The following FBXO28 variants were observed in gnomAD, a reference collection of about 807,000 sequenced individuals.
The protein encoded by FBXO28 is F-box only protein 28.
FBXO28 carries 8 observed loss-of-function variants against 38.1 expected under a neutral mutation model. The observed-to-expected ratio is 0.21, with a 90% CI of 0.12 to 0.38. The LOEUF is 0.38. Among genes scored for constraint, FBXO28 ranks in the 10% least tolerant of loss-of-function variants. The pLI is 1.00. For synonymous variants in FBXO28, 168 were observed against 173.8 expected, an observed-to-expected ratio of 0.97 and a Z score of 0.26; for missense variants, 345 against 460.6, an observed-to-expected ratio of 0.75 and a Z score of 2.30.
rs141275850 is a variant in FBXO28 at position 224,119,721 on chromosome 1, C to T, written c.267+5325C>T. 2.6e-5 allele frequency among the ~76,000 whole-genome samples: 4 copies of T among 152,112 alleles called. No individual in the cohort carries two copies. In the East Asian group the frequency reaches 5.8e-4, roughly 22 times the overall value. ...TTAGGACTTAATCAGGAAAGACCTCCTCAAGATAATAAGTTTTTATCCAGT... is the reference window on the plus strand; with the variant it reads ...TTAGGACTTAATCAGGAAAGACCTCTTCAAGATAATAAGTTTTTATCCAGT... On this transcript the variant is annotated intron_variant, in intron 1 of 4. Coordinates refer to ENST00000366862, the MANE Select transcript of FBXO28 (RefSeq NM_015176.4).
Position 224,130,547 on chromosome 1 carries a change from C to G in FBXO28, c.343C>G (p.Leu115Val). The G allele has an allele frequency of 6.2e-7, 1 of 1,613,592 alleles. No homozygotes were observed. The highest frequency in any genetic ancestry group is 8.5e-7 in the Non-Finnish European group (1 of 1,179,612). ...GFLKVERYHN[L>V]CQKQVKAQLP... Reference sequence around the variant, plus strand: ...TCTGAAAGTGGAGAGGTACCATAATCTATGTCAGAAACAAGTTAAAGCACA... The same window carrying G: ...TCTGAAAGTGGAGAGGTACCATAATGTATGTCAGAAACAAGTTAAAGCACA... The change falls in exon 2 of 5, where the codon CTA becomes GTA. Residue 115 changes from leucine to valine, a missense_variant. Leu to Val is a conservative substitution (Grantham distance 32). Coordinates refer to ENST00000366862, the MANE Select transcript of FBXO28 (RefSeq NM_015176.4).
chr1:224,153,344 C>A lies in FBXO28; in HGVS notation c.712+7C>A. 6.4e-7 allele frequency: 1 copy of A among 1,562,176 alleles called. No homozygotes were observed. Among genetic ancestry groups the A allele is most frequent in the South Asian group, 1.2e-5 (1 of 80,288 alleles). ...CTCATGGGCTCTCCTCCAGGTATCT[C>A]TACTTTATAATCATGCTTGTACATA... On this transcript the variant is annotated splice_region_variant and intron_variant, in intron 4 of 4. Transcript: ENST00000366862.
In FBXO28 at chr1:224,159,087, A is replaced by G. The variant is rs750588363; in HGVS notation, c.*1341A>G. ...TATAGTTTTGAGACATTCAATTATC[A>G]CTGTCTTAGTTGTATTTTAATTTAC... On this transcript the variant is annotated 3_prime_UTR_variant, in exon 5 of 5. Transcript: ENST00000366862. 2.0e-5 allele frequency: 3 copies of G among 152,466 alleles called. No individual in the cohort carries two copies. Among genetic ancestry groups the G allele is most frequent in the Admixed American group, 1.3e-4 (2 of 15,244 alleles). The allele number at this position is 152,466 out of a possible 1,614,324, so 9.4% of individuals were successfully genotyped here.
intron 1 of FBXO28, among the ~76,000 whole-genome samples, chr1:224,127,805 G>T (rs1323866277): frequency 6.6e-6 from 1 of 152,162 alleles, no homozygotes; most frequent in Non-Finnish European, 1.5e-5. Flanking sequence ...TACTCGGGAG[G>T]CTGAGGCAGG....
chr1:224,119,674 TA>T (rs998182685), intron 1 of FBXO28, among the ~76,000 whole-genome samples: 8 of 152,124 alleles, frequency 5.3e-5, no homozygotes, highest in African/African-American at 1.9e-4. Context: ...GCAAAGATGG[TA>T]AATATGAGTG....
intron 1 of FBXO28, among the ~76,000 whole-genome samples, chr1:224,120,787 C>T (rs1572005317): frequency 1.3e-5 from 2 of 151,244 alleles, no homozygotes; most frequent in African/African-American, 2.4e-5. Context: ...CACTCGGACC[C>T]GGGAGCCAAA....
chr1:224,125,270 A>G (rs570053575), intron 1 of FBXO28, among the ~76,000 whole-genome samples: 2 of 152,186 alleles, frequency 1.3e-5, no homozygotes, highest in East Asian at 1.9e-4. Flanking sequence ...CTACAGGCTC[A>G]TGCCTCTGTA....
At chr1:224,152,365 T>C (rs1657667474) in intron 3 of FBXO28, among the ~76,000 whole-genome samples, 2 of 152,190 alleles carry the variant, frequency 1.3e-5, no homozygotes, top group Admixed American at 1.3e-4. Context: ...TCCCTGCAGC[T>C]TAGGGGAACA....
At chr1:224,156,931 G>A (rs1037794740) in intron 4 of FBXO28, among the ~76,000 whole-genome samples, 12 of 151,616 alleles carry the variant, frequency 7.9e-5, no homozygotes, top group Admixed American at 4.6e-4. Context: ...GAACCCAGGA[G>A]GCGGAGCTTG....
intron 3 of FBXO28, among the ~76,000 whole-genome samples, chr1:224,137,530 A>C (rs1657222471): frequency 6.6e-6 from 1 of 151,848 alleles, no homozygotes; most frequent in Non-Finnish European, 1.5e-5. Context: ...TCAGCAAAAA[A>C]AAAGAAAAAA....
At chr1:224,145,663 C>G (rs978578200) in intron 3 of FBXO28, among the ~76,000 whole-genome samples, 3 of 152,160 alleles carry the variant, frequency 2.0e-5, no homozygotes, top group African/African-American at 7.2e-5. Context: ...TAGCTCATGC[C>G]TGTAATCCCA....
At chr1:224,120,884 GAAAGA>G (rs1179876000) in intron 1 of FBXO28, among the ~76,000 whole-genome samples, 7 of 148,430 alleles carry the variant, frequency 4.7e-5, no homozygotes, top group African/African-American at 1.7e-4. Flanking sequence ...AAAAAAGAAA[GAAAGA>G]AAAGAAAATG....
At chr1:224,128,617 C>G (rs1656960607) in intron 1 of FBXO28, among the ~76,000 whole-genome samples, 1 of 152,104 alleles carries the variant, frequency 6.6e-6, no homozygotes, top group Non-Finnish European at 1.5e-5. Context: ...TGTAAGATGA[C>G]TTGGACAAGA....
intron 3 of FBXO28, among the ~76,000 whole-genome samples, chr1:224,151,128 T>C (rs1657638444): frequency 6.6e-6 from 1 of 152,184 alleles, no homozygotes; most frequent in South Asian, 2.1e-4. Flanking sequence ...GCTCGTAATA[T>C]AGTAATATTG....
rs889752714 is a variant in FBXO28 at position 224,139,540 on chromosome 1, G to C, written c.516+5328G>C. Among the ~76,000 whole-genome samples the C allele has an allele frequency of 1.3e-3, 199 of 149,796 alleles. 5 individuals carry two copies. Among genetic ancestry groups the C allele is most frequent in the African/African-American group, 4.8e-3 (189 of 39,330 alleles). ...GGGCAGATCACAAGATCGAGAGATC[G>C]AGACCAGCCTGGCCAACATGGTGAA... On this transcript the variant is annotated intron_variant, in intron 3 of 4. Coordinates refer to ENST00000366862, the MANE Select transcript of FBXO28 (RefSeq NM_015176.4).
chr1:224,158,126 A>G lies in FBXO28; in HGVS notation c.*380A>G. 1 of 994,678 alleles carries G rather than the reference A, an allele frequency of 1.0e-6. No homozygotes were observed. The highest frequency in any genetic ancestry group is 1.2e-6 in the Non-Finnish European group (1 of 836,406). The allele number at this position is 994,678 out of a possible 1,614,324, so 61.6% of individuals were successfully genotyped here. On this transcript the variant is annotated 3_prime_UTR_variant, in exon 5 of 5. Transcript: ENST00000366862. ...GTTTAATACAGAAAATGTCCTGTTCACTTGAAAGAAAAGACCTACTTTTTA... is the reference window on the plus strand; with the variant it reads ...GTTTAATACAGAAAATGTCCTGTTCGCTTGAAAGAAAAGACCTACTTTTTA...
intron 3 of FBXO28, among the ~76,000 whole-genome samples, chr1:224,137,397 C>T (rs889067151): frequency 3.3e-5 from 5 of 151,540 alleles, no homozygotes; most frequent in African/African-American, 1.2e-4. Context: ...GTGGTGTGCA[C>T]CTGTAGTCCC....
chr1:224,115,920 G>C (rs1656633607), intron 1 of FBXO28, among the ~76,000 whole-genome samples: 1 of 152,146 alleles, frequency 6.6e-6, no homozygotes, highest in African/African-American at 2.4e-5. Context: ...TTAAAAAAAT[G>C]TAGTGGGGAG....
chr1:224,145,152 G>A lies in FBXO28; in HGVS notation c.517-7990G>A, dbSNP rs530617649. ...AGATAAATAAATACTAAAATTAGCC[G>A]GGCGTGATGGCGGGCATCTGTAGTT... On this transcript the variant is annotated intron_variant, in intron 3 of 4. Coordinates refer to ENST00000366862, the MANE Select transcript of FBXO28 (RefSeq NM_015176.4). Among the ~76,000 whole-genome samples the A allele has an allele frequency of 4.5e-4, 68 of 151,712 alleles. 2 individuals carry two copies. The South Asian group carries it at 0.013, about 29-fold the overall frequency.
Sources: gnomAD v4.1 joint callset for allele counts (sites outside exome capture counted in the v4.1 genomes callset) on GRCh38, gnomAD v4.1.1 for gene constraint, MANE v1.5 for transcripts, NCBI Gene and HGNC (gene_info 2026-07-23, HGNC 2026-07-21) for gene names.